The following CHD9 variants were observed in gnomAD, a reference collection of about 807,000 sequenced individuals.
The protein encoded by CHD9 is ATP-dependent chromatin remodeler CHD9.
Under a neutral mutation model 316.1 loss-of-function variants are expected in CHD9, and 77 were observed. The observed-to-expected ratio is 0.24, with a 90% CI of 0.20 to 0.29. CHD9 has a LOEUF of 0.29. Among genes scored for constraint, CHD9 ranks in the 10% least tolerant of loss-of-function variants. CHD9 has a pLI of 1.00. For missense variants in CHD9, 2,763 were observed against 3,438.1 expected (o/e 0.80, Z 4.91); for synonymous variants, 1,129 against 1,158.3 (o/e 0.97, Z 0.51).
At chr16:53,237,005 C>T (rs1259330784) in intron 11 of CHD9, among the ~76,000 whole-genome samples, 1 of 151,954 alleles carries the variant, frequency 6.6e-6, no homozygotes, top group Non-Finnish European at 1.5e-5. Flanking sequence ...AATCTAAGGT[C>T]TTGAACTCTG....
At chr16:53,203,697 T>A (rs2045637369) in intron 2 of CHD9, among the ~76,000 whole-genome samples, 1 of 152,114 alleles carries the variant, frequency 6.6e-6, no homozygotes, top group South Asian at 2.1e-4. Context: ...AGGAATTATA[T>A]CTGGGACCTT....
At chr16:53,078,941 C>T (rs927472089) in intron 1 of CHD9, among the ~76,000 whole-genome samples, 6 of 152,164 alleles carry the variant, frequency 3.9e-5, no homozygotes, top group Non-Finnish European at 8.8e-5. Flanking sequence ...TGCTTATTTA[C>T]CCGCCTCCTG....
At chr16:53,255,316 AAAAAAAT>A (rs2050499956) in intron 18 of CHD9, among the ~76,000 whole-genome samples, 1 of 152,194 alleles carries the variant, frequency 6.6e-6, no homozygotes, top group African/African-American at 2.4e-5. Flanking sequence ...CTTAAAAAGA[AAAAAAAT>A]AAAAAATAAA....
At chr16:53,323,901 T>C (rs1285902236) in intron 38 of CHD9, 119 bp from the exon 39 acceptor site, 4 of 806,212 alleles carry the variant, frequency 5.0e-6, no homozygotes, top group Non-Finnish European at 7.8e-6. Flanking sequence ...TTATTTAATA[T>C]CAGTACAGAA....
At chr16:53,194,327 T>A (rs1461539168) in intron 2 of CHD9, among the ~76,000 whole-genome samples, 3 of 152,110 alleles carry the variant, frequency 2.0e-5, no homozygotes, top group Non-Finnish European at 4.4e-5. Flanking sequence ...CCTATAATCC[T>A]AGTACTTTGA....
chr16:53,108,305 C>A (rs565356398), intron 1 of CHD9, among the ~76,000 whole-genome samples: 1 of 151,590 alleles, frequency 6.6e-6, no homozygotes, highest in Non-Finnish European at 1.5e-5. Flanking sequence ...AGTTTGAGAC[C>A]AGCCTGGGCA....
rs573680762 is a variant in CHD9 at position 53,229,555 on chromosome 16, T to C, written c.2286+455T>C. Among the ~76,000 whole-genome samples the C allele has an allele frequency of 3.9e-5, 6 of 152,348 alleles. No homozygotes were observed. The South Asian group carries it at 8.3e-4, about 21-fold the overall frequency. ...CCTGACTAAATGGTCTGATGTTCTT[T>C]CCTGCTCCAGATTTTTCTAATAGAC... On this transcript the variant is annotated intron_variant, in intron 8 of 38. Transcript: ENST00000447540.
Position 53,307,671 on chromosome 16 carries a change from G to C in CHD9, c.6781-10G>C. 2 of 1,589,788 alleles carry C rather than the reference G, an allele frequency of 1.3e-6. No homozygotes were observed. Among genetic ancestry groups the C allele is most frequent in the African/African-American group, 1.3e-5 (1 of 74,448 alleles). ...TTAAAATTACACTTTGATGTTGCAC[G>C]CTTTTCTAGGATCGTGTGATGATCA... is the stretch of plus-strand genomic sequence containing the variant. On this transcript the variant is annotated splice_polypyrimidine_tract_variant and intron_variant, in intron 32 of 38. Coordinates refer to ENST00000447540, the MANE Select transcript of CHD9 (RefSeq NM_001308319.2).
chr16:53,211,359 G>A (rs2046319356), intron 3 of CHD9, among the ~76,000 whole-genome samples: 1 of 152,142 alleles, frequency 6.6e-6, no homozygotes. Flanking sequence ...AGTAAGGGGA[G>A]TAGTAACACT....
chr16:53,129,348 G>A (rs903859401), intron 1 of CHD9, among the ~76,000 whole-genome samples: 4 of 152,176 alleles, frequency 2.6e-5, no homozygotes, highest in African/African-American at 9.7e-5. Flanking sequence ...GTGGTGTGGG[G>A]GGCCCCAGAG....
At chr16:53,217,880 C>T (rs976929847) in intron 3 of CHD9, among the ~76,000 whole-genome samples, 6 of 151,258 alleles carry the variant, frequency 4.0e-5, no homozygotes, top group South Asian at 4.2e-4. Flanking sequence ...GCTAGAACTA[C>T]GGGTGCATAC....
At chr16:53,115,771 T>C (rs1212554152) in intron 1 of CHD9, among the ~76,000 whole-genome samples, 1 of 152,118 alleles carries the variant, frequency 6.6e-6, no homozygotes, top group Non-Finnish European at 1.5e-5. Flanking sequence ...TTTTAGTGGA[T>C]GGAGACAAAA....
chr16:53,255,214 CAGG>C (rs1336961709), intron 18 of CHD9, among the ~76,000 whole-genome samples: 1 of 152,042 alleles, frequency 6.6e-6, no homozygotes, highest in African/African-American at 2.4e-5. Flanking sequence ...GAAGTTGAGG[CAGG>C]AGACTCGCTT....
intron 24 of CHD9, among the ~76,000 whole-genome samples, chr16:53,274,726 G>T (rs1012655559): frequency 1.3e-5 from 2 of 152,160 alleles, no homozygotes; most frequent in Non-Finnish European, 2.9e-5. Flanking sequence ...CCCACAAAGT[G>T]CTGGGATTAC....
At chr16:53,246,502 T>C (rs561825362) in intron 15 of CHD9, among the ~76,000 whole-genome samples, 1 of 142,026 alleles carries the variant, frequency 7.0e-6, no homozygotes, top group East Asian at 2.1e-4. Flanking sequence ...TTTTCTGTGT[T>C]TTTTTGTTGT....
chr16:53,168,400 T>C (rs1236668366), intron 2 of CHD9: 1 of 152,140 alleles, frequency 6.6e-6, no homozygotes, highest in Non-Finnish European at 1.5e-5. Context: ...CCCACATTAT[T>C]TGAGTTTTTT....
intron 1 of CHD9, among the ~76,000 whole-genome samples, chr16:53,124,521 A>G (rs2038887994): frequency 7.8e-6 from 1 of 128,210 alleles, no homozygotes; most frequent in African/African-American, 3.0e-5. Flanking sequence ...TCTGTCATCC[A>G]GGCTGAAGTG....
chr16:53,294,522 G>A (rs141998791), intron 29 of CHD9, among the ~76,000 whole-genome samples: 1 of 152,258 alleles, frequency 6.6e-6, no homozygotes, highest in East Asian at 1.9e-4. Flanking sequence ...TGTTGGCTGG[G>A]TTTCTGAGAT....
chr16:53,070,512 CCTTCCTTCCTTCCTTCCTTCCT>C (rs773138321), intron 1 of CHD9, among the ~76,000 whole-genome samples: 5,369 of 128,418 alleles, frequency 0.042, 120 homozygotes, highest in Non-Finnish European at 0.046. Flanking sequence ...TTCCTTCCTT[CCTTCCTTCCTTCCTTCCTTCCT>C]CTCTCTCTCT....
Sources: gnomAD v4.1 joint callset for allele counts (sites outside exome capture counted in the v4.1 genomes callset) on GRCh38, gnomAD v4.1.1 for gene constraint, MANE v1.5 for transcripts, NCBI Gene and HGNC (gene_info 2026-07-23, HGNC 2026-07-21) for gene names.